GRIK1: variants seen among roughly 807,000 people sequenced by gnomAD.
The protein encoded by GRIK1 is glutamate ionotropic receptor kainate type subunit 1.
GRIK1 carries 69 observed loss-of-function variants against 105.7 expected under a neutral mutation model. The observed-to-expected ratio is 0.65, with a 90% CI of 0.54 to 0.80. GRIK1 has a LOEUF of 0.80. GRIK1 is among the 30% of genes least tolerant of loss of function. The pLI, the probability that GRIK1 is intolerant of heterozygous loss-of-function variation, is 0.00. For missense variants in GRIK1, 1,109 were observed against 1,167.3 expected (o/e 0.95, Z 0.73); for synonymous variants, 438 against 431.3 (o/e 1.02, Z -0.19).
chr21:29,728,178 A>C (rs2064518950), intron 1 of GRIK1, among the ~76,000 whole-genome samples: 1 of 152,222 alleles, frequency 6.6e-6, no homozygotes. Context: ...TAACCATTGT[A>C]TAAACCTTGC....
intron 4 of GRIK1, among the ~76,000 whole-genome samples, chr21:29,657,990 A>G (rs1231235804): frequency 1.3e-5 from 2 of 152,178 alleles, no homozygotes; most frequent in Non-Finnish European, 2.9e-5. Flanking sequence ...TTTTCCTGAG[A>G]ATGACTTTGA....
intron 1 of GRIK1, chr21:29,861,711 T>C (rs1370145135): frequency 6.8e-6 from 3 of 442,602 alleles, no homozygotes; most frequent in South Asian, 3.3e-5. Context: ...TGCATAAATG[T>C]ATTTGATTAT....
At chr21:29,537,958 G>T in intron 16 of GRIK1, 74 bp from the exon 17 acceptor site, 1 of 709,018 alleles carries the variant, frequency 1.4e-6, no homozygotes, top group Non-Finnish European at 2.4e-6. Context: ...TCTGGCAGCA[G>T]CAATGATGCA....
chr21:29,926,375 G>C (rs1051715039), intron 1 of GRIK1, among the ~76,000 whole-genome samples: 2 of 152,070 alleles, frequency 1.3e-5, no homozygotes, highest in Non-Finnish European at 2.9e-5. Flanking sequence ...TTTGTTAGTT[G>C]ATTACTACTT....
chr21:29,930,542 A>T (rs1161538630), intron 1 of GRIK1, among the ~76,000 whole-genome samples: 1 of 152,192 alleles, frequency 6.6e-6, no homozygotes, highest in Non-Finnish European at 1.5e-5. Context: ...TGCTAAGAAA[A>T]GTAATCTGTG....
chr21:29,565,978 C>A (rs546818166), intron 14 of GRIK1, among the ~76,000 whole-genome samples: 1 of 152,182 alleles, frequency 6.6e-6, no homozygotes, highest in Non-Finnish European at 1.5e-5. Context: ...CCGCTGCATG[C>A]CACGCTCAGT....
intron 15 of GRIK1, among the ~76,000 whole-genome samples, chr21:29,560,359 T>C (rs3989198): frequency 0.034 from 1,490 of 43,600 alleles, 62 homozygotes; most frequent in African/African-American, 0.048. Flanking sequence ...TTCTTTCTTT[T>C]TCTTTCTTCC....
chr21:29,902,891 G>C (rs1046229733), intron 1 of GRIK1, among the ~76,000 whole-genome samples: 1 of 152,112 alleles, frequency 6.6e-6, no homozygotes, highest in Non-Finnish European at 1.5e-5. Flanking sequence ...ACACTACAAG[G>C]CTACAGTAAC....
chr21:29,687,919 G>A (rs2063515560), intron 3 of GRIK1, among the ~76,000 whole-genome samples: 1 of 152,166 alleles, frequency 6.6e-6, no homozygotes, highest in South Asian at 2.1e-4. Context: ...CTGTAGAAAT[G>A]GTGAGAGATG....
intron 1 of GRIK1, among the ~76,000 whole-genome samples, chr21:29,921,823 T>C (rs1029369419): frequency 1.3e-5 from 2 of 152,336 alleles, no homozygotes; most frequent in South Asian, 2.1e-4. Context: ...AATTTAGTTG[T>C]AGTAAACTGA....
At chr21:29,830,312 C>CAA (rs2067591569) in intron 1 of GRIK1, among the ~76,000 whole-genome samples, 1 of 113,192 alleles carries the variant, frequency 8.8e-6, no homozygotes, top group African/African-American at 4.5e-5. Flanking sequence ...CCTCCCCACA[C>CAA]ACACACACAC....
chr21:29,807,288 G>A (rs74679206), intron 1 of GRIK1, among the ~76,000 whole-genome samples: 2,564 of 152,142 alleles, frequency 0.017, 66 homozygotes, highest in African/African-American at 0.058. Context: ...GCGGCTGTGG[G>A]GTGTGAGAAA....
chr21:29,733,985 A>C (rs1250905222), intron 1 of GRIK1, among the ~76,000 whole-genome samples: 1 of 152,066 alleles, frequency 6.6e-6, no homozygotes, highest in East Asian at 1.9e-4. Context: ...TTTTATTTTA[A>C]TATAAGATAT....
intron 1 of GRIK1, among the ~76,000 whole-genome samples, chr21:29,803,741 AT>A (rs2066777716): frequency 6.6e-6 from 1 of 151,724 alleles, no homozygotes. Flanking sequence ...AGGAAAAAAA[AT>A]ATGTTTTTTT....
At chr21:29,730,925 T>C (rs2064607295) in intron 1 of GRIK1, among the ~76,000 whole-genome samples, 1 of 152,228 alleles carries the variant, frequency 6.6e-6, no homozygotes, top group Admixed American at 6.5e-5. Flanking sequence ...GACAGTTTTG[T>C]AAGCAGTGAT....
At chr21:29,595,133 C>G (rs1482421904) in intron 9 of GRIK1, among the ~76,000 whole-genome samples, 1 of 151,924 alleles carries the variant, frequency 6.6e-6, no homozygotes, top group East Asian at 1.9e-4. Context: ...GATGGGCTAC[C>G]AGGAGGGAAG....
At chr21:29,921,116 C>G (rs1237308358) in intron 1 of GRIK1, among the ~76,000 whole-genome samples, 1 of 152,014 alleles carries the variant, frequency 6.6e-6, no homozygotes, top group African/African-American at 2.4e-5. Context: ...CACTCCTGAC[C>G]TCTAACCACT....
intron 1 of GRIK1, among the ~76,000 whole-genome samples, chr21:29,857,361 T>A (rs2068494637): frequency 6.6e-6 from 1 of 152,214 alleles, no homozygotes; most frequent in East Asian, 1.9e-4. Flanking sequence ...AGCCTGGCAA[T>A]CCCTTGCAGT....
chr21:29,672,899 C>T (rs1443851520), intron 4 of GRIK1, 84 bp downstream of exon 4: 2 of 930,892 alleles, frequency 2.1e-6, no homozygotes, highest in Non-Finnish European at 3.3e-6. Context: ...TATTATGCTG[C>T]ATTAAGTGAA....
Sources: gnomAD v4.1 joint callset for allele counts (sites outside exome capture counted in the v4.1 genomes callset) on GRCh38, gnomAD v4.1.1 for gene constraint, MANE v1.5 for transcripts, NCBI Gene and HGNC (gene_info 2026-07-23, HGNC 2026-07-21) for gene names.